CGGBP1: variants seen among roughly 807,000 people sequenced by gnomAD.
CGGBP1 encodes the protein CGG triplet repeat binding protein 1.
CGGBP1 carries 4 observed loss-of-function variants against 11.4 expected under a neutral mutation model. That is an observed-to-expected ratio of 0.35 (90% CI 0.17 to 0.80). The LOEUF is 0.80. CGGBP1 is among the 30% of genes least tolerant of loss of function. The pLI is 0.52. For synonymous variants in CGGBP1, 76 were observed against 74.1 expected, an observed-to-expected ratio of 1.03 and a Z score of -0.13; for missense variants, 135 against 202.1, an observed-to-expected ratio of 0.67 and a Z score of 2.01.
chr3:88,084,941 C>T (rs1427459750), intron 2 of CGGBP1, among the ~76,000 whole-genome samples: 1 of 152,176 alleles, frequency 6.6e-6, no homozygotes, highest in Non-Finnish European at 1.5e-5. Context: ...ATCTGCCTGA[C>T]CTCTGCCCTA....
At chr3:88,068,429 G>T (rs1707323328) in intron 2 of CGGBP1, among the ~76,000 whole-genome samples, 1 of 152,126 alleles carries the variant, frequency 6.6e-6, no homozygotes, top group Non-Finnish European at 1.5e-5. Context: ...AAATTGTTCT[G>T]TGTACTGTGA....
intron 1 of CGGBP1, among the ~76,000 whole-genome samples, chr3:88,141,423 C>G (rs1707124132): frequency 6.6e-6 from 1 of 151,984 alleles, no homozygotes; most frequent in South Asian, 2.1e-4. Flanking sequence ...TTTTCATATG[C>G]ATTCCAGAAT....
At chr3:88,114,583 C>T (rs1705279753) in intron 2 of CGGBP1, among the ~76,000 whole-genome samples, 1 of 152,170 alleles carries the variant, frequency 6.6e-6, no homozygotes, top group Non-Finnish European at 1.5e-5. Flanking sequence ...ACCTGCCTCC[C>T]CCAGCCTTTT....
chr3:88,082,940 T>A (rs901352267), intron 2 of CGGBP1, among the ~76,000 whole-genome samples: 1 of 152,130 alleles, frequency 6.6e-6, no homozygotes, highest in Non-Finnish European at 1.5e-5. Flanking sequence ...GCAGATGACC[T>A]GTGTGCTCAC....
chr3:88,056,674 C>A (rs1313705821), intron 3 of CGGBP1: 1 of 152,146 alleles, frequency 6.6e-6, no homozygotes, highest in Non-Finnish European at 1.5e-5. Flanking sequence ...AGTCTTACTT[C>A]TCTAATACTT....
chr3:88,063,304 C>T (rs561908386), upstream of CGGBP1, among the ~76,000 whole-genome samples: 12 of 152,170 alleles, frequency 7.9e-5, no homozygotes, highest in East Asian at 1.9e-3. Context: ...ACCTTTTATG[C>T]GTAATGCCGA....
intron 2 of CGGBP1, among the ~76,000 whole-genome samples, chr3:88,092,644 A>C (rs1703812233): frequency 6.6e-6 from 1 of 152,216 alleles, no homozygotes; most frequent in Non-Finnish European, 1.5e-5. Context: ...TTACATCATG[A>C]CTTTAAATTT....
At chr3:88,141,453 GTC>G (rs1707126986) in intron 1 of CGGBP1, among the ~76,000 whole-genome samples, 2 of 151,966 alleles carry the variant, frequency 1.3e-5, no homozygotes, top group South Asian at 2.1e-4. Flanking sequence ...GTGAATCTGT[GTC>G]TCTGTTACAA....
chr3:88,127,677 G>T (rs570091733), intron 2 of CGGBP1, among the ~76,000 whole-genome samples: 2 of 152,128 alleles, frequency 1.3e-5, no homozygotes, highest in Non-Finnish European at 2.9e-5. Context: ...GGCTTCACTC[G>T]TAGGATCTAG....
In CGGBP1 at chr3:88,113,020, A is replaced by C. The variant is rs1298623925; in HGVS notation, c.-229+27950T>G. 4 of 768,842 alleles carry C rather than the reference A, an allele frequency of 5.2e-6. No homozygotes were observed. In the Admixed American group the frequency reaches 1.3e-4, roughly 25 times the overall value. The allele number at this position is 768,842 out of a possible 1,614,324, so 47.6% of individuals were successfully genotyped here. ...TTTTTAAACCAAAATATTTTAAGTC[A>C]AATATTGATATTAGATAGCTGATAC... On this transcript the variant is annotated intron_variant, in intron 2 of 3. Coordinates refer to the CGGBP1 transcript ENST00000462901.
At chr3:88,149,108 G>T (rs1707360786) in intron 1 of CGGBP1, among the ~76,000 whole-genome samples, 2 of 152,184 alleles carry the variant, frequency 1.3e-5, no homozygotes, top group African/African-American at 4.8e-5. Flanking sequence ...GTTTAACAGA[G>T]CATGACTATT....
At chr3:88,071,795 A>G (rs1382263688) in intron 2 of CGGBP1, among the ~76,000 whole-genome samples, 1 of 151,862 alleles carries the variant, frequency 6.6e-6, no homozygotes, top group Non-Finnish European at 1.5e-5. Flanking sequence ...CAAGAGTGAG[A>G]CTCCGTCTCA....
intron 2 of CGGBP1, among the ~76,000 whole-genome samples, chr3:88,104,941 C>T (rs1412865308): frequency 6.6e-6 from 1 of 152,208 alleles, no homozygotes; most frequent in Non-Finnish European, 1.5e-5. Flanking sequence ...AAGTTTGAGA[C>T]CAGCCTGGCC....
chr3:88,148,802 G>T (rs1428481427), intron 1 of CGGBP1, among the ~76,000 whole-genome samples: 1 of 152,082 alleles, frequency 6.6e-6, no homozygotes, highest in Non-Finnish European at 1.5e-5. Flanking sequence ...ACCATGCCAG[G>T]CTAATTTTTT....
At chr3:88,091,998 AATCTT>A (rs1000569410) in intron 2 of CGGBP1, among the ~76,000 whole-genome samples, 7 of 152,240 alleles carry the variant, frequency 4.6e-5, no homozygotes, top group African/African-American at 7.2e-5. Context: ...AGCAGAAGCA[AATCTT>A]ATCTAAGATG....
At chr3:88,104,446 T>C (rs1704615195) in intron 2 of CGGBP1, among the ~76,000 whole-genome samples, 2 of 152,300 alleles carry the variant, frequency 1.3e-5, no homozygotes, top group South Asian at 2.1e-4. Context: ...AATTAATGGA[T>C]AGCGTTGTGT....
At chr3:88,080,661 C>T (rs1295197473) in intron 2 of CGGBP1, among the ~76,000 whole-genome samples, 1 of 152,052 alleles carries the variant, frequency 6.6e-6, no homozygotes, top group East Asian at 1.9e-4. Context: ...TTCCATCTGA[C>T]TCTTAACCAT....
upstream of CGGBP1, among the ~76,000 whole-genome samples, chr3:88,063,412 C>T (rs906663969): frequency 1.3e-5 from 2 of 152,102 alleles, no homozygotes; most frequent in African/African-American, 4.8e-5. Flanking sequence ...ATGGTATTCA[C>T]AGAAAAGAGA....
Position 88,053,010 on chromosome 3 carries a change from ATGTT to A in CGGBP1, c.*2459_*2462del, listed in dbSNP as rs2107554496. ...TTATAAATGAAACATTACAAATCTTATGTTTATGCATACAACTTATAAAATAGAA... is the reference window on the plus strand; with the variant it reads ...TTATAAATGAAACATTACAAATCTTATATGCATACAACTTATAAAATAGAA... On this transcript the variant is annotated 3_prime_UTR_variant, in exon 4 of 4. Coordinates refer to ENST00000482016, the MANE Select transcript of CGGBP1 (RefSeq NM_001008390.2). The A allele has an allele frequency of 6.5e-6, 1 of 152,752 alleles. No individual in the cohort carries two copies. The highest frequency in any genetic ancestry group is 2.4e-5 in the African/African-American group (1 of 41,586). 9.5% of individuals were successfully genotyped at this position (152,752 alleles called of 1,614,324 possible).
Sources: gnomAD v4.1 joint callset for allele counts (sites outside exome capture counted in the v4.1 genomes callset) on GRCh38, gnomAD v4.1.1 for gene constraint, MANE v1.5 for transcripts, NCBI Gene and HGNC (gene_info 2026-07-23, HGNC 2026-07-21) for gene names.